Variants in LRBA observed in about 807,000 individuals in gnomAD.
The protein encoded by LRBA is lipopolysaccharide-responsive and beige-like anchor protein.
A neutral mutation model predicts 330.0 loss-of-function variants in LRBA; 176 were observed. That is an observed-to-expected ratio of 0.53 (90% CI 0.47 to 0.60). The LOEUF is 0.60. Among genes scored for constraint, LRBA ranks in the 20% least tolerant of loss-of-function variants. The pLI is 0.00. For missense variants in LRBA, 3,259 were observed against 3,444.8 expected (o/e 0.95, Z 1.35); for synonymous variants, 1,230 against 1,193.0 (o/e 1.03, Z -0.64).
intron 7 of LRBA, 23 bp downstream of exon 7, chr4:150,916,378 T>C (rs763492448): frequency 1.9e-6 from 3 of 1,608,536 alleles, no homozygotes; most frequent in Non-Finnish European, 2.5e-6. Flanking sequence ...TTAACATAAC[T>C]ATGACTCAAG....
At position 150,683,710 on chromosome 4, in the gene LRBA, C is replaced by A; in HGVS notation, c.5762G>T (p.Cys1921Phe). 6.2e-7 allele frequency: 1 copy of A among 1,601,732 alleles called. No individual in the cohort carries two copies. Among genetic ancestry groups the A allele is most frequent in the Non-Finnish European group, 8.5e-7 (1 of 1,172,846 alleles). The part of the protein sequence containing the change: ...IHRHAEFESL[C>F]AQYSADKRED... ...TCGTTTGTCTGCAGAATACTGGGCA[C>A]ACAGTGACTTGGAGAGAAAAAAAAA... is the stretch of plus-strand genomic sequence containing the variant. The change falls in exon 37 of 57, where the codon TGT becomes TTT. Residue 1921 changes from cysteine (C) to phenylalanine (F), a missense_variant. By Grantham distance (205) the Cys-to-Phe change is radical. Transcript: ENST00000651943.
At chr4:150,827,801 C>T (rs913053423) in intron 30 of LRBA, among the ~76,000 whole-genome samples, 1 of 151,922 alleles carries the variant, frequency 6.6e-6, no homozygotes, top group Non-Finnish European at 1.5e-5. Context: ...TGGGTTTCAC[C>T]ATGTTGGTCA....
chr4:150,468,156 A>C (rs1755664969), intron 43 of LRBA, among the ~76,000 whole-genome samples: 1 of 152,018 alleles, frequency 6.6e-6, no homozygotes, highest in Admixed American at 6.6e-5. Flanking sequence ...TTATGACTTT[A>C]AAAAGCTATT....
chr4:150,579,368 G>C (rs1355532486), intron 40 of LRBA: 6 of 454,536 alleles, frequency 1.3e-5, no homozygotes, highest in South Asian at 6.2e-5. Context: ...GAGTTGGGGT[G>C]GGGGAGGGGG....
At chr4:150,994,314 T>C (rs1246037510) in intron 2 of LRBA, among the ~76,000 whole-genome samples, 1 of 152,160 alleles carries the variant, frequency 6.6e-6, no homozygotes, top group Admixed American at 6.5e-5. Context: ...GGGTAATTAA[T>C]TCTACAAGTC....
intron 47 of LRBA, among the ~76,000 whole-genome samples, chr4:150,407,315 T>C (rs1013015049): frequency 6.6e-6 from 1 of 152,172 alleles, no homozygotes; most frequent in African/African-American, 2.4e-5. Flanking sequence ...CCACCAAGTG[T>C]TTGCAGTAAT....
intron 34 of LRBA, among the ~76,000 whole-genome samples, chr4:150,783,276 T>C (rs1431494488): frequency 6.6e-6 from 1 of 152,144 alleles, no homozygotes; most frequent in Non-Finnish European, 1.5e-5. Context: ...TACTAGCAAA[T>C]AGAATCCTGT....
chr4:150,878,354 T>C (rs1051031193), intron 17 of LRBA, among the ~76,000 whole-genome samples: 1 of 151,638 alleles, frequency 6.6e-6, no homozygotes, highest in Admixed American at 6.6e-5. Flanking sequence ...AAGGAAATTT[T>C]ATAGCACATA....
intron 50 of LRBA, among the ~76,000 whole-genome samples, chr4:150,318,151 CCT>C (rs1459271663): frequency 1.3e-5 from 2 of 152,140 alleles, no homozygotes; most frequent in East Asian, 3.9e-4. Context: ...CCACCTCTCC[CCT>C]CTTTCATTAG....
chr4:150,293,414 T>C (rs1457327231), intron 53 of LRBA, among the ~76,000 whole-genome samples: 6 of 152,218 alleles, frequency 3.9e-5, no homozygotes, highest in Admixed American at 3.9e-4. Context: ...GTCCTATACA[T>C]TTCATCTTCA....
At chr4:150,403,379 A>G (rs748098266) in intron 47 of LRBA, among the ~76,000 whole-genome samples, 6 of 152,210 alleles carry the variant, frequency 3.9e-5, no homozygotes, top group Non-Finnish European at 8.8e-5. Context: ...TTCTCTAGCC[A>G]TTATCATTAG....
intron 2 of LRBA, among the ~76,000 whole-genome samples, chr4:150,938,961 T>A (rs1002951009): frequency 6.6e-6 from 1 of 152,246 alleles, no homozygotes; most frequent in African/African-American, 2.4e-5. Context: ...TCAAATGATG[T>A]ATCCTTATTC....
intron 34 of LRBA, among the ~76,000 whole-genome samples, chr4:150,788,231 C>A (rs916743972): frequency 4.7e-5 from 7 of 147,682 alleles, no homozygotes; most frequent in African/African-American, 1.3e-4. Flanking sequence ...CACTACCACA[C>A]CCGGTTAATT....
At chr4:150,402,041 A>AGCAC in intron 47 of LRBA, among the ~76,000 whole-genome samples, 1 of 151,994 alleles carries the variant, frequency 6.6e-6, no homozygotes. Flanking sequence ...CTGTAATCCC[A>AGCAC]GCACTTTCAG....
intron 35 of LRBA, among the ~76,000 whole-genome samples, chr4:150,742,734 C>A (rs1355329865): frequency 6.6e-6 from 1 of 151,888 alleles, no homozygotes; most frequent in South Asian, 2.1e-4. Flanking sequence ...CAAAAAAACA[C>A]CAAAAACAAC....
intron 47 of LRBA, among the ~76,000 whole-genome samples, chr4:150,352,732 C>T (rs934438365): frequency 3.3e-5 from 5 of 152,136 alleles, no homozygotes; most frequent in Non-Finnish European, 7.3e-5. Context: ...GTTTCATTAA[C>T]TTAGACCTTG....
intron 2 of LRBA, among the ~76,000 whole-genome samples, chr4:150,998,744 C>T (rs1742991565): frequency 6.6e-6 from 1 of 152,118 alleles, no homozygotes; most frequent in Non-Finnish European, 1.5e-5. Context: ...TTTGGTAATA[C>T]AAGGTTGCTT....
At chr4:150,395,943 T>A (rs1370005658) in intron 47 of LRBA, among the ~76,000 whole-genome samples, 7 of 152,046 alleles carry the variant, frequency 4.6e-5, no homozygotes, top group Non-Finnish European at 4.4e-5. Flanking sequence ...GAAAAAAAAA[T>A]TTCCCTCAGC....
chr4:150,419,662 A>G, intron 46 of LRBA, among the ~76,000 whole-genome samples: 1 of 122,584 alleles, frequency 8.2e-6, no homozygotes, highest in Non-Finnish European at 1.6e-5. Flanking sequence ...TTTTGAGATG[A>G]AGTCTTACTA....
Sources: gnomAD v4.1 joint callset for allele counts (sites outside exome capture counted in the v4.1 genomes callset) on GRCh38, gnomAD v4.1.1 for gene constraint, MANE v1.5 for transcripts, NCBI Gene and HGNC (gene_info 2026-07-23, HGNC 2026-07-21) for gene names.